NME7: variants seen among roughly 807,000 people sequenced by gnomAD.
NME7 encodes nucleoside diphosphate kinase 7.
NME7 carries 41 observed loss-of-function variants against 49.1 expected under a neutral mutation model. That is an observed-to-expected ratio of 0.83 (90% CI 0.65 to 1.08). NME7 has a LOEUF of 1.08. Among genes scored for constraint, NME7 ranks in the 50% least tolerant of loss-of-function variants. The probability of loss-of-function intolerance (pLI) is 0.00; values close to 1 mark genes in which losing one functional copy is unlikely to be tolerated. For synonymous variants in NME7, 139 were observed against 150.6 expected (o/e 0.92, Z 0.56); for missense variants, 423 against 463.4 (o/e 0.91, Z 0.80).
intron 7 of NME7, among the ~76,000 whole-genome samples, chr1:169,264,107 T>C (rs1264975418): frequency 2.2e-5 from 3 of 133,666 alleles, no homozygotes; most frequent in Non-Finnish European, 3.5e-5. Context: ...AAGCACTAGA[T>C]ATGGAAAGGG....
Position 169,310,086 on chromosome 1 carries a change from A to C in NME7, c.279-6T>G. 6.5e-7 allele frequency: 1 copy of C among 1,533,200 alleles called. No homozygotes were observed. The highest frequency in any genetic ancestry group is 8.9e-7 in the Non-Finnish European group (1 of 1,123,806). 95.0% of individuals were successfully genotyped at this position (1,533,200 alleles called of 1,614,324 possible). On this transcript the variant is annotated splice_polypyrimidine_tract_variant and splice_region_variant and intron_variant, in intron 3 of 11. Transcript: ENST00000367811. Reference sequence around the variant, plus strand: ...GTTTAATTAGGGCTAGCGTTCTATAAGGAAACAAAAAATAAGTTTGCAAAT... The same window carrying C: ...GTTTAATTAGGGCTAGCGTTCTATACGGAAACAAAAAATAAGTTTGCAAAT...
chr1:169,323,596 C>A (rs2101937737), intron 2 of NME7, among the ~76,000 whole-genome samples: 1 of 152,072 alleles, frequency 6.6e-6, no homozygotes, highest in African/African-American at 2.4e-5. Context: ...AGTCATACAC[C>A]CAAATTTCTG....
intron 10 of NME7, among the ~76,000 whole-genome samples, chr1:169,223,792 G>T (rs549596353): frequency 0.1 from 15,331 of 151,410 alleles, 834 homozygotes; most frequent in Non-Finnish European, 0.11. Context: ...TATATAGAGA[G>T]AGAGAGAGAG....
chr1:169,285,696 T>G (rs1650253127), intron 7 of NME7: 1 of 152,144 alleles, frequency 6.6e-6, no homozygotes, highest in South Asian at 2.1e-4. Flanking sequence ...CTGTGAAGAT[T>G]AAAAATAATG....
chr1:169,196,487 C>T (rs1660382737), intron 10 of NME7, among the ~76,000 whole-genome samples: 4 of 152,172 alleles, frequency 2.6e-5, no homozygotes, highest in Middle Eastern at 3.4e-3. Flanking sequence ...CTGCAGTATC[C>T]GCATGCTTGG....
intron 1 of NME7, among the ~76,000 whole-genome samples, chr1:169,350,935 A>G (rs907244678): frequency 1.2e-4 from 19 of 152,142 alleles, no homozygotes; most frequent in African/African-American, 3.9e-4. Context: ...ATTTGGGAAT[A>G]AGACTAGATC....
chr1:169,287,027 G>A (rs925128982), intron 7 of NME7: 1 of 298,894 alleles, frequency 3.3e-6, no homozygotes, highest in Admixed American at 5.2e-5. Flanking sequence ...AGAGAAGGCA[G>A]ACTAAAAGTC....
Position 169,367,788 on chromosome 1 carries a change from C to T in NME7, c.-78G>A, listed in dbSNP as rs1571428736. On this transcript the variant is annotated 5_prime_UTR_variant, in exon 1 of 12. Transcript: ENST00000367811. ...CACCACCACCACCATCATACGGTTA[C>T]TCAGGCAACAAAGCCCCGCCCACTG... 1 of 1,590,856 alleles carries T rather than the reference C, an allele frequency of 6.3e-7. No homozygotes were observed. Among genetic ancestry groups the T allele is most frequent in the Middle Eastern group, 1.7e-4 (1 of 6,024 alleles).
chr1:169,312,467 G>GTA (rs1553255191), intron 3 of NME7, among the ~76,000 whole-genome samples: 1 of 152,186 alleles, frequency 6.6e-6, no homozygotes, highest in Non-Finnish European at 1.5e-5. Context: ...GGCAAGCACT[G>GTA]TAAGATGCAG....
At chr1:169,243,234 C>T (rs1482660751) in intron 7 of NME7, among the ~76,000 whole-genome samples, 1 of 151,898 alleles carries the variant, frequency 6.6e-6, no homozygotes, top group African/African-American at 2.4e-5. Context: ...AATAGAACCA[C>T]ACAAATATGT....
intron 11 of NME7, among the ~76,000 whole-genome samples, chr1:169,137,511 C>T (rs1382158572): frequency 6.6e-6 from 1 of 152,096 alleles, no homozygotes; most frequent in Non-Finnish European, 1.5e-5. Context: ...TGTGAGCTGG[C>T]AGACTCAGCG....
At chr1:169,306,989 A>G (rs941862106) in intron 4 of NME7, among the ~76,000 whole-genome samples, 5 of 152,248 alleles carry the variant, frequency 3.3e-5, no homozygotes, top group African/African-American at 1.2e-4. Context: ...GTCAGGAGAC[A>G]CTGGAATAGA....
chr1:169,180,942 G>A (rs1453710789), intron 10 of NME7, among the ~76,000 whole-genome samples: 1 of 152,094 alleles, frequency 6.6e-6, no homozygotes, highest in Non-Finnish European at 1.5e-5. Flanking sequence ...TAGAGACCTA[G>A]AGAATAGTAG....
chr1:169,159,457 A>G (rs1201411839), intron 11 of NME7, among the ~76,000 whole-genome samples: 1 of 151,986 alleles, frequency 6.6e-6, no homozygotes, highest in Non-Finnish European at 1.5e-5. Context: ...CAGAAAATTA[A>G]TTATTAATTT....
intron 1 of NME7, among the ~76,000 whole-genome samples, chr1:169,350,528 G>A (rs1653132842): frequency 6.6e-6 from 1 of 151,704 alleles, no homozygotes; most frequent in African/African-American, 2.4e-5. Context: ...GCTTGGCCCT[G>A]GATGTTTCTC....
intron 7 of NME7, among the ~76,000 whole-genome samples, chr1:169,238,854 G>C (rs1194170483): frequency 2.6e-5 from 4 of 151,898 alleles, no homozygotes. Context: ...TGTTTTTATG[G>C]CAAATAACAT....
chr1:169,204,304 T>C (rs1379490681), intron 10 of NME7, among the ~76,000 whole-genome samples: 1 of 151,420 alleles, frequency 6.6e-6, no homozygotes, highest in African/African-American at 2.4e-5. Context: ...CAATCCATAC[T>C]AGATATTGTC....
In NME7 at chr1:169,254,275, T is replaced by C. The variant is rs546900648; in HGVS notation, c.755-16588A>G. ...TGTTCTATTCAGAGATTCAACTTCT[T>C]CCTGGTTTAGTCTTGGGAGAGTGTA... is the stretch of plus-strand genomic sequence containing the variant. On this transcript the variant is annotated intron_variant, in intron 7 of 11. Transcript: ENST00000367811. Among the ~76,000 whole-genome samples the C allele has an allele frequency of 9.4e-3, 1,426 of 152,162 alleles. 25 individuals carry two copies. Among genetic ancestry groups the C allele is most frequent in the African/African-American group, 0.032 (1,314 of 41,562 alleles).
At chr1:169,137,385 A>G (rs1196146992) in intron 11 of NME7, among the ~76,000 whole-genome samples, 1 of 152,242 alleles carries the variant, frequency 6.6e-6, no homozygotes, top group Non-Finnish European at 1.5e-5. Context: ...GGTTGTCCTA[A>G]TGACTGAATG....
Sources: gnomAD v4.1 joint callset for allele counts (sites outside exome capture counted in the v4.1 genomes callset) on GRCh38, gnomAD v4.1.1 for gene constraint, MANE v1.5 for transcripts, NCBI Gene and HGNC (gene_info 2026-07-23, HGNC 2026-07-21) for gene names.